SLC7A7: variants seen among roughly 807,000 people sequenced by gnomAD.
The protein encoded by SLC7A7 is solute carrier family 7 member 7.
In SLC7A7, 39 loss-of-function variants were observed where a neutral mutation model predicts 47.9. That is an observed-to-expected ratio of 0.81 (90% CI 0.63 to 1.06). SLC7A7 has a LOEUF of 1.06. Among genes scored for constraint, SLC7A7 ranks in the 50% least tolerant of loss-of-function variants. The probability of loss-of-function intolerance (pLI) is 0.00; values close to 1 mark genes in which losing one functional copy is unlikely to be tolerated. For synonymous variants in SLC7A7, 234 were observed against 242.8 expected (o/e 0.96, Z 0.34); for missense variants, 588 against 632.0 (o/e 0.93, Z 0.75).
chr14:22,775,589 C>G, intron 6 of SLC7A7, 49 bp from the exon 7 acceptor site: 1 of 1,489,446 alleles, frequency 6.7e-7, no homozygotes, highest in Admixed American at 1.7e-5. Context: ...GGACACGGTG[C>G]AGCCTGGTTC....
intron 2 of SLC7A7, among the ~76,000 whole-genome samples, chr14:22,802,141 G>A (rs1373737910): frequency 6.6e-6 from 1 of 152,130 alleles, no homozygotes; most frequent in East Asian, 1.9e-4. Flanking sequence ...GGTGGCTCAC[G>A]CCTGCAATCC....
chr14:22,799,863 CATT>C (rs777209666), intron 2 of SLC7A7, among the ~76,000 whole-genome samples: 3 of 152,220 alleles, frequency 2.0e-5, no homozygotes, highest in Non-Finnish European at 4.4e-5. Context: ...ACCTACTGGA[CATT>C]ACCAGGCACA....
rs148149467 is a variant in SLC7A7, at chr14:22,773,476, T to C, written c.*134A>G. 1.4e-3 allele frequency: 1,045 copies of C among 757,022 alleles called. 8 individuals are homozygous for C. The African/African-American group carries it at 0.015, about 11-fold the overall frequency. 46.9% of individuals were successfully genotyped at this position (757,022 alleles called of 1,614,324 possible). A position where few individuals can be genotyped will look rare whatever the true frequency, so the allele number is the denominator to read the frequency against. On this transcript the variant is annotated 3_prime_UTR_variant, in exon 10 of 10. Transcript: ENST00000674313. Reference sequence around the variant, plus strand: ...TTACTTTTCATTTCAAAAAGTAAGTTCAAAGGTTGAAGCTGCCTAGGCCAG... The same window carrying C: ...TTACTTTTCATTTCAAAAAGTAAGTCCAAAGGTTGAAGCTGCCTAGGCCAG...
At chr14:22,795,815 G>A (rs1465835472) in intron 2 of SLC7A7, among the ~76,000 whole-genome samples, 1 of 152,122 alleles carries the variant, frequency 6.6e-6, no homozygotes, top group East Asian at 1.9e-4. Flanking sequence ...CACAGCCAGA[G>A]TTAGGACCCA....
At chr14:22,779,504 G>A (rs567815819) in intron 3 of SLC7A7, among the ~76,000 whole-genome samples, 17 of 151,878 alleles carry the variant, frequency 1.1e-4, no homozygotes, top group African/African-American at 4.1e-4. Flanking sequence ...GCCCAGGCTG[G>A]AGTGCAGTGG....
intron 2 of SLC7A7, among the ~76,000 whole-genome samples, chr14:22,811,661 C>T (rs980776336): frequency 6.6e-6 from 1 of 151,932 alleles, no homozygotes; most frequent in Non-Finnish European, 1.5e-5. Context: ...TCCAGCCTGG[C>T]CAACACAGTG....
intron 2 of SLC7A7, among the ~76,000 whole-genome samples, chr14:22,797,765 A>G (rs2039044092): frequency 1.3e-5 from 2 of 152,186 alleles, no homozygotes. Context: ...AAAAAAACCT[A>G]CTTAAGCAAT....
chr14:22,796,891 C>G (rs1183729632), intron 2 of SLC7A7, among the ~76,000 whole-genome samples: 2 of 152,158 alleles, frequency 1.3e-5, no homozygotes, highest in African/African-American at 4.8e-5. Flanking sequence ...GATCCCTGAG[C>G]TATTGTGAAG....
chr14:22,778,295 T>C (rs2038653556), intron 4 of SLC7A7, among the ~76,000 whole-genome samples: 1 of 152,178 alleles, frequency 6.6e-6, no homozygotes, highest in Non-Finnish European at 1.5e-5. Flanking sequence ...TGTCCAGTTC[T>C]CTTTTCACTC....
Position 22,812,968 on chromosome 14 carries a change from A to C in SLC7A7, c.431T>G (p.Val144Gly). Reference sequence around the variant, plus strand: ...GAAGCAGCTCGGGAAGAGAGGCTGTACCATGTAGTTGGCAAAGGTGATGGC... The same window carrying C: ...GAAGCAGCTCGGGAAGAGAGGCTGTCCCATGTAGTTGGCAAAGGTGATGGC... ...IIAITFANYM[V>G]QPLFPSCFAP... is the part of the protein sequence containing the mutation. The change falls in exon 2 of 10, where the codon GTA (valine) becomes GGA (glycine). Residue 144 changes from valine to glycine, a missense_variant. Transcript: ENST00000674313. The C allele has an allele frequency of 6.2e-7, 1 of 1,613,984 alleles. No homozygotes were observed. The highest frequency in any genetic ancestry group is 1.1e-5 in the South Asian group (1 of 91,082).
chr14:22,790,866 T>G (rs1353864237), intron 2 of SLC7A7, among the ~76,000 whole-genome samples: 1 of 151,986 alleles, frequency 6.6e-6, no homozygotes, highest in South Asian at 2.1e-4. Context: ...GGTGTGGTGG[T>G]GTGCGCCTGT....
In SLC7A7 at chr14:22,792,692, A is replaced by G. The variant is rs1313609749; in HGVS notation, c.500-12641T>C. Among the ~76,000 whole-genome samples, 4 of 152,062 alleles carry G rather than the reference A, an allele frequency of 2.6e-5. No individual in the cohort carries two copies. The East Asian group carries it at 7.8e-4, about 30-fold the overall frequency. ...ACCAACATGGCAAAACCCCGTCTCTACTAAAAATACAAAAATTAGCCAGCC... is the reference window on the plus strand; with the variant it reads ...ACCAACATGGCAAAACCCCGTCTCTGCTAAAAATACAAAAATTAGCCAGCC... On this transcript the variant is annotated intron_variant, in intron 2 of 9. Coordinates refer to ENST00000674313, the MANE Select transcript of SLC7A7 (RefSeq NM_003982.4).
chr14:22,818,601 T>G (rs1413703241), upstream of SLC7A7, among the ~76,000 whole-genome samples: 256 of 122,518 alleles, frequency 2.1e-3, 2 homozygotes, highest in African/African-American at 8.3e-3. Flanking sequence ...TTTTTTTTGG[T>G]TTTTGGGTTT....
At chr14:22,803,235 C>T (rs2039145820) in intron 2 of SLC7A7, among the ~76,000 whole-genome samples, 1 of 151,958 alleles carries the variant, frequency 6.6e-6, no homozygotes, top group Non-Finnish European at 1.5e-5. Context: ...GCCTGACTAA[C>T]ATGGTGAAAC....
chr14:22,813,843 T>C (rs187774043), intron 1 of SLC7A7, among the ~76,000 whole-genome samples: 1,587 of 138,170 alleles, frequency 0.011, 38 homozygotes, highest in African/African-American at 0.041. Flanking sequence ...CAGGCTGGAG[T>C]GCAATGGCGC....
Position 22,782,416 on chromosome 14 carries a change from T to TA in SLC7A7, c.500-2366_500-2365insT, listed in dbSNP as rs202036324. On this transcript the variant is annotated intron_variant, in intron 2 of 9. Transcript: ENST00000674313. ...CCGCGCCCGGCCTATATTTTATTAT[T>TA]TTTTTTTATTTACTTATTTATTGAC... Among the ~76,000 whole-genome samples, 94 of 144,274 alleles carry TA rather than the reference T, an allele frequency of 6.5e-4. No homozygotes were observed. The Middle Eastern group carries it at 0.011, about 16-fold the overall frequency. The allele number at this position is 144,274 out of a possible 152,430, so 94.6% of individuals were successfully genotyped here. A position where few individuals can be genotyped will look rare whatever the true frequency, so the allele number is the denominator to read the frequency against.
intron 2 of SLC7A7, among the ~76,000 whole-genome samples, chr14:22,804,678 G>C (rs1299044688): frequency 6.6e-6 from 1 of 152,150 alleles, no homozygotes; most frequent in African/African-American, 2.4e-5. Context: ...TCTCACGTCA[G>C]TCAGAATGTC....
At chr14:22,804,904 G>A (rs1295230087) in intron 2 of SLC7A7, among the ~76,000 whole-genome samples, 1 of 152,176 alleles carries the variant, frequency 6.6e-6, no homozygotes, top group Non-Finnish European at 1.5e-5. Context: ...CTACTCAGGA[G>A]GCTAAGGCAG....
At position 22,773,551 on chromosome 14, in the gene SLC7A7, T is replaced by G. The variant is rs1382873758; in HGVS notation, c.*59A>C. 6.8e-7 allele frequency: 1 copy of G among 1,462,816 alleles called. No individual in the cohort carries two copies. The highest frequency in any genetic ancestry group is 1.4e-5 in the African/African-American group (1 of 72,666). 90.6% of individuals were successfully genotyped at this position (1,462,816 alleles called of 1,614,324 possible). On this transcript the variant is annotated 3_prime_UTR_variant, in exon 10 of 10. Transcript: ENST00000674313. The stretch of plus-strand genomic sequence containing the variant: ...AAGTGAGCTTTCCTTTTCAACTTCC[T>G]TAGCTCTAGCCAGTAGACCAGAAAC...
Sources: gnomAD v4.1 joint callset for allele counts (sites outside exome capture counted in the v4.1 genomes callset) on GRCh38, gnomAD v4.1.1 for gene constraint, MANE v1.5 for transcripts, NCBI Gene and HGNC (gene_info 2026-07-23, HGNC 2026-07-21) for gene names.